ATXN10: variants seen among roughly 807,000 people sequenced by gnomAD.
ATXN10 encodes the protein ataxin 10, also known as ataxin-10.
Under a neutral mutation model 52.9 loss-of-function variants are expected in ATXN10, and 28 were observed. The observed-to-expected ratio is 0.53, with a 90% CI of 0.39 to 0.73. The LOEUF (loss-of-function observed/expected upper bound fraction) is 0.73. ATXN10 is among the 30% of genes least tolerant of loss of function. The pLI is 0.00. For synonymous variants in ATXN10, 226 were observed against 221.5 expected (o/e 1.02, Z -0.18); for missense variants, 565 against 577.0 (o/e 0.98, Z 0.21).
Position 45,763,838 on chromosome 22 carries a change from C to T in ATXN10, c.1173+23300C>T, listed in dbSNP as rs1926485099. 6.6e-6 allele frequency among the ~76,000 whole-genome samples: 1 copy of T among 152,204 alleles called. No homozygotes were observed. Among genetic ancestry groups the T allele is most frequent in the South Asian group, 2.1e-4 (1 of 4,834 alleles). ...CAGCATAGCATGGTGGTGGAGTGGG[C>T]TCACTGAGTGAGCTGGTGAGCATGG... On this transcript the variant is annotated intron_variant, in intron 9 of 11. Coordinates refer to ENST00000252934, the MANE Select transcript of ATXN10 (RefSeq NM_013236.4). The surrounding 1 kb of genome is among the most constrained non-coding windows in gnomAD (Gnocchi z 6.9).
rs1220219238 is a variant in ATXN10, at chr22:45,733,605, G to A, written c.894+4015G>A. 2.6e-5 allele frequency among the ~76,000 whole-genome samples: 4 copies of A among 151,918 alleles called. No individual in the cohort carries two copies. Among genetic ancestry groups the A allele is most frequent in the East Asian group, 1.9e-4 (1 of 5,174 alleles). On this transcript the variant is annotated intron_variant, in intron 7 of 11. Transcript: ENST00000252934. This position sits in a 1 kb window ranked among gnomAD's most constrained non-coding sequence, Gnocchi z 4.4. ...ACAAAAATTAGCCGGGTGTGGTGGC[G>A]GATGCCTGTAATCCCAGCTACTCGG...
rs1329676628 is a variant in ATXN10 at position 45,819,938 on chromosome 22, G to A, written c.1237+12916G>A. On this transcript the variant is annotated intron_variant, in intron 10 of 11. Transcript: ENST00000252934. This position sits in a 1 kb window ranked among gnomAD's most constrained non-coding sequence, Gnocchi z 4.5. The stretch of plus-strand genomic sequence containing the variant: ...TAAAGGAACATGTTCCAGTAACCCT[G>A]ATAATTGTCAGGATTTTTGTCTAAA... Among the ~76,000 whole-genome samples, 1 of 152,122 alleles carries A rather than the reference G, an allele frequency of 6.6e-6. No homozygotes were observed. The highest frequency in any genetic ancestry group is 1.5e-5 in the Non-Finnish European group (1 of 68,024).
In ATXN10 at chr22:45,733,906, A is replaced by G. The variant is rs1013899814; in HGVS notation, c.894+4316A>G. 1.3e-5 allele frequency among the ~76,000 whole-genome samples: 2 copies of G among 150,362 alleles called. No individual in the cohort carries two copies. Among genetic ancestry groups the G allele is most frequent in the African/African-American group, 4.9e-5 (2 of 40,742 alleles). ...TATGTTTTTTGTTTTCATTTTTTGC[A>G]CTATTCTTCAACTTGCTGTTTTTAC... On this transcript the variant is annotated intron_variant, in intron 7 of 11. Coordinates refer to ENST00000252934, the MANE Select transcript of ATXN10 (RefSeq NM_013236.4). The surrounding 1 kb of genome is among the most constrained non-coding windows in gnomAD (Gnocchi z 4.4).
chr22:45,706,864 T>C (rs1378268383), intron 5 of ATXN10, among the ~76,000 whole-genome samples: 2 of 152,220 alleles, frequency 1.3e-5, no homozygotes, highest in East Asian at 3.8e-4. Flanking sequence ...GCATGTTCTG[T>C]AGATATCTAT....
Position 45,790,375 on chromosome 22 carries a change from C to T in ATXN10, c.1174-16584C>T, listed in dbSNP as rs1376741787. 1.3e-5 allele frequency among the ~76,000 whole-genome samples: 2 copies of T among 151,822 alleles called. No homozygotes were observed. Among genetic ancestry groups the T allele is most frequent in the Non-Finnish European group, 2.9e-5 (2 of 67,916 alleles). ...AGGACACGAGATTATCAAAACATTGCCCCCCCGCCGCCCCACACATACACC... is the reference window on the plus strand; with the variant it reads ...AGGACACGAGATTATCAAAACATTGTCCCCCCGCCGCCCCACACATACACC... On this transcript the variant is annotated intron_variant, in intron 9 of 11. Coordinates refer to ENST00000252934, the MANE Select transcript of ATXN10 (RefSeq NM_013236.4). The surrounding 1 kb of genome is among the most constrained non-coding windows in gnomAD (Gnocchi z 4.7).
chr22:45,736,552 CTTTCCTCTTCTTTT>C (rs1569042715), intron 7 of ATXN10, among the ~76,000 whole-genome samples: 1 of 152,010 alleles, frequency 6.6e-6, no homozygotes, highest in African/African-American at 2.4e-5. Flanking sequence ...ATAGGTTCCC[CTTTCCTCTTCTTTT>C]TTTCCTCTTT....
chr22:45,751,476 T>C (rs893777487), intron 9 of ATXN10, among the ~76,000 whole-genome samples: 20 of 151,940 alleles, frequency 1.3e-4, no homozygotes, highest in African/African-American at 4.8e-4. Flanking sequence ...GATGGAAATA[T>C]AAAGATCATT....
intron 6 of ATXN10, among the ~76,000 whole-genome samples, chr22:45,726,339 G>C (rs1924869418): frequency 6.6e-6 from 1 of 152,074 alleles, no homozygotes; most frequent in Non-Finnish European, 1.5e-5. Flanking sequence ...AATCTCACTG[G>C]TTGTTACTGG....
At chr22:45,724,112 T>C (rs1924773334) in intron 6 of ATXN10, among the ~76,000 whole-genome samples, 1 of 152,206 alleles carries the variant, frequency 6.6e-6, no homozygotes, top group Non-Finnish European at 1.5e-5. Flanking sequence ...ATTGGTTCTA[T>C]ATCTTTGCAA....
Position 45,775,962 on chromosome 22 carries a change from GC to G in ATXN10, c.1174-30994del, listed in dbSNP as rs1176387785. Among the ~76,000 whole-genome samples the G allele has an allele frequency of 6.6e-6, 1 of 152,178 alleles. No homozygotes were observed. The highest frequency in any genetic ancestry group is 2.4e-5 in the African/African-American group (1 of 41,446). On this transcript the variant is annotated intron_variant, in intron 9 of 11. Coordinates refer to ENST00000252934, the MANE Select transcript of ATXN10 (RefSeq NM_013236.4). The surrounding 1 kb of genome is among the most constrained non-coding windows in gnomAD (Gnocchi z 4.7). ...CACCGACATCTGTGGCCACTCCACA[GC>G]CCATTGGTTCCGTCCTTGACCCACA...
At chr22:45,725,317 T>C (rs1924822634) in intron 6 of ATXN10, among the ~76,000 whole-genome samples, 1 of 152,162 alleles carries the variant, frequency 6.6e-6, no homozygotes, top group South Asian at 2.1e-4. Context: ...GTTTGTGTCA[T>C]CTGTGATTTC....
Position 45,671,909 on chromosome 22 carries a change from G to C in ATXN10, c.-155G>C, listed in dbSNP as rs1376550827. 2 of 809,052 alleles carry C rather than the reference G, an allele frequency of 2.5e-6. No homozygotes were observed. The highest frequency in any genetic ancestry group is 1.8e-5 in the South Asian group (1 of 56,140). 50.1% of individuals were successfully genotyped at this position (809,052 alleles called of 1,614,324 possible). A position where few individuals can be genotyped will look rare whatever the true frequency, so the allele number is the denominator to read the frequency against. Reference sequence around the variant, plus strand: ...CCGGCGGCGGCGCAGCTTCAGGGCAGCGCGGGCTGCAGCGGCGGCGGCGGT... The same window carrying C: ...CCGGCGGCGGCGCAGCTTCAGGGCACCGCGGGCTGCAGCGGCGGCGGCGGT... On this transcript the variant is annotated 5_prime_UTR_variant, in exon 1 of 12. Coordinates refer to ENST00000252934, the MANE Select transcript of ATXN10 (RefSeq NM_013236.4).
chr22:45,722,945 T>G (rs1052643084), intron 6 of ATXN10, among the ~76,000 whole-genome samples: 6 of 152,142 alleles, frequency 3.9e-5, no homozygotes, highest in African/African-American at 1.4e-4. Flanking sequence ...TATTTTCTTC[T>G]ATTTCATTAC....
intron 9 of ATXN10, among the ~76,000 whole-genome samples, chr22:45,768,154 G>A (rs1433043474): frequency 6.6e-6 from 1 of 152,084 alleles, no homozygotes; most frequent in Non-Finnish European, 1.5e-5. Flanking sequence ...AACTAAAATC[G>A]TTGAGCCCTG....
Position 45,787,404 on chromosome 22 carries a change from C to T in ATXN10, c.1174-19555C>T, listed in dbSNP as rs1927357018. 6.6e-6 allele frequency among the ~76,000 whole-genome samples: 1 copy of T among 152,166 alleles called. No individual in the cohort carries two copies. The highest frequency in any genetic ancestry group is 1.5e-5 in the Non-Finnish European group (1 of 68,028). ...CGCTGTGTCTTGATCTGCCTCCTGG[C>T]CCCTTTTCCCTCAAGGCACTAGGGA... On this transcript the variant is annotated intron_variant, in intron 9 of 11. Transcript: ENST00000252934. This position sits in a 1 kb window ranked among gnomAD's most constrained non-coding sequence, Gnocchi z 4.2.
chr22:45,808,260 G>A (rs142025126), intron 10 of ATXN10, among the ~76,000 whole-genome samples: 1 of 152,210 alleles, frequency 6.6e-6, no homozygotes, highest in Non-Finnish European at 1.5e-5. Flanking sequence ...TGGGAAAGCA[G>A]TACGAGAATG....
intron 1 of ATXN10, chr22:45,676,144 T>C (rs980390032): frequency 6.6e-6 from 1 of 152,146 alleles, no homozygotes; most frequent in South Asian, 2.1e-4. Flanking sequence ...AGGGCCTCAC[T>C]TTGTCATCCA....
intron 5 of ATXN10, among the ~76,000 whole-genome samples, chr22:45,717,211 TG>T: frequency 6.6e-6 from 1 of 152,206 alleles, no homozygotes; most frequent in Admixed American, 6.5e-5. Context: ...TAGATACATT[TG>T]TTTCTATTAT....
At chr22:45,710,866 A>G (rs1342188832) in intron 5 of ATXN10, among the ~76,000 whole-genome samples, 3 of 152,136 alleles carry the variant, frequency 2.0e-5, no homozygotes, top group African/African-American at 4.8e-5. Context: ...TATTTGTTGA[A>G]TAAGTCTGGT....
Sources: allele counts gnomAD v4.1 joint callset (sites outside exome capture counted in the v4.1 genomes callset), GRCh38; gene constraint gnomAD v4.1.1; non-coding constraint Gnocchi (gnomAD v3.1); transcripts MANE v1.5; gene names NCBI Gene and HGNC (gene_info 2026-07-23, HGNC 2026-07-21).